PRMT9: variants seen among roughly 807,000 people sequenced by gnomAD.
The protein encoded by PRMT9 is protein arginine N-methyltransferase 9.
A neutral mutation model predicts 83.2 loss-of-function variants in PRMT9; 59 were observed. The observed-to-expected ratio is 0.71, with a 90% confidence interval of 0.57 to 0.88. The LOEUF is 0.88. PRMT9 is among the 40% of genes least tolerant of loss of function. The probability of loss-of-function intolerance (pLI) is 0.00; values close to 1 mark genes in which losing one functional copy is unlikely to be tolerated. For synonymous variants in PRMT9, 333 were observed against 353.2 expected, an observed-to-expected ratio of 0.94 and a Z score of 0.64; for missense variants, 947 against 1,021.9, an observed-to-expected ratio of 0.93 and a Z score of 1.00.
rs540712755 is a variant in PRMT9, at chr4:147,669,475, TG to T, written c.847-831del. ...AAAGGATACAAGAAAAGAGGGAGGA[TG>T]GGGGGGAAAGGACTGTAAGTCTGCA... On this transcript the variant is annotated intron_variant, in intron 5 of 11. Transcript: ENST00000322396. Among the ~76,000 whole-genome samples the T allele has an allele frequency of 2.2e-4, 34 of 151,900 alleles. No homozygotes were observed. In the South Asian group the frequency reaches 3.3e-3, roughly 15 times the overall value.
In PRMT9 at chr4:147,673,032, T is replaced by A. The variant is rs1173751075; in HGVS notation, c.670A>T (p.Lys224Ter). 6.2e-7 allele frequency: 1 copy of A among 1,614,032 alleles called. No homozygotes were observed. Among genetic ancestry groups the A allele is most frequent in the African/African-American group, 1.3e-5 (1 of 75,046 alleles). ...AAGAGTTTGATCCCTGCTTCCATCT[T>A]GTTTGCTGCCACGACATCACAGGCA... ...ELACDVVAANKMEAGIKLLHT... is the reference protein window; with the variant it reads ...ELACDVVAAN The change falls in exon 4 of 12, where the codon AAG (lysine) becomes TAG (stop). Residue 224 changes from lysine (K) to a stop codon, truncating the protein, a stop_gained. Transcript: ENST00000322396. LOFTEE classifies it high-confidence loss of function.
intron 1 of PRMT9, among the ~76,000 whole-genome samples, chr4:147,682,498 G>T (rs948114761): frequency 6.6e-6 from 1 of 151,532 alleles, no homozygotes; most frequent in African/African-American, 2.4e-5. Flanking sequence ...TTTTAGTAGA[G>T]ACAGGTTTTC....
chr4:147,675,857 G>C (rs1560706892), intron 2 of PRMT9, among the ~76,000 whole-genome samples: 1 of 152,128 alleles, frequency 6.6e-6, no homozygotes, highest in Non-Finnish European at 1.5e-5. Flanking sequence ...CTAACAAAAG[G>C]TTGTGAAGTT....
At chr4:147,672,893 G>T in intron 4 of PRMT9, 66 bp downstream of exon 4, 1 of 1,363,246 alleles carries the variant, frequency 7.3e-7, no homozygotes, top group Non-Finnish European at 1.0e-6. Flanking sequence ...CTAAAAGCTA[G>T]AAATATATCT....
At chr4:147,669,961 T>C (rs1410624731) in intron 5 of PRMT9, among the ~76,000 whole-genome samples, 1 of 152,156 alleles carries the variant, frequency 6.6e-6, no homozygotes, top group Non-Finnish European at 1.5e-5. Context: ...TACTCCCTTC[T>C]GATAATTTGC....
At chr4:147,673,954 T>G in intron 2 of PRMT9, 80 bp from the exon 3 acceptor site, 3 of 1,174,716 alleles carry the variant, frequency 2.6e-6, no homozygotes, top group South Asian at 2.5e-5. Context: ...TGCCACTCAC[T>G]TGGCCTGGGA....
intron 9 of PRMT9, among the ~76,000 whole-genome samples, chr4:147,645,110 C>A (rs1018286249): frequency 2.6e-5 from 4 of 152,092 alleles, no homozygotes; most frequent in African/African-American, 7.2e-5. Flanking sequence ...TTTTTCATAT[C>A]TTAAAAAGTA....
intron 7 of PRMT9, among the ~76,000 whole-genome samples, chr4:147,659,132 T>C (rs551370620): frequency 6.7e-6 from 1 of 148,990 alleles, no homozygotes; most frequent in African/African-American, 2.5e-5. Flanking sequence ...TGAGCCGAGA[T>C]CACGCCACTG....
Position 147,654,281 on chromosome 4 carries a change from A to C in PRMT9, c.1616T>G (p.Met539Arg), listed in dbSNP as rs1024888817. ...NNIPYHEGFK[M>R]AMSKVLSSLT... ...TGAAGACAAAACTTTGCTCATTGCC[A>C]TTTTAAAGCCTTCATGATATGGGAT... Residue 539 changes from methionine (M) to arginine (R), a missense_variant, in exon 9 of 12, where the codon ATG (methionine) becomes AGG (arginine). Coordinates refer to ENST00000322396, the MANE Select transcript of PRMT9 (RefSeq NM_138364.4). The C allele has an allele frequency of 5.0e-6, 8 of 1,614,228 alleles. No individual in the cohort carries two copies. The highest frequency in any genetic ancestry group is 3.3e-5 in the Admixed American group (2 of 60,024).
At chr4:147,681,590 C>T (rs1222155666) in intron 1 of PRMT9, among the ~76,000 whole-genome samples, 1 of 152,042 alleles carries the variant, frequency 6.6e-6, no homozygotes, top group Non-Finnish European at 1.5e-5. Flanking sequence ...AGTTGAAGAC[C>T]AGCATGGCCA....
chr4:147,641,036 C>G (rs544206551), intron 10 of PRMT9, among the ~76,000 whole-genome samples: 2 of 152,276 alleles, frequency 1.3e-5, no homozygotes, highest in African/African-American at 4.8e-5. Context: ...TATTGAGGAT[C>G]TCACCATTTT....
At chr4:147,661,075 G>A in intron 6 of PRMT9, 37 bp from the exon 7 acceptor site, 1 of 1,409,636 alleles carries the variant, frequency 7.1e-7, no homozygotes, top group Non-Finnish European at 1.0e-6. Context: ...GTAGGAAGAT[G>A]GATTTTTTTA....
chr4:147,639,040 T>C lies in PRMT9; in HGVS notation c.2242A>G (p.Ile748Val), dbSNP rs1442548409. The change falls in exon 11 of 12, where the codon ATA (isoleucine) becomes GTA (valine). Residue 748 changes from isoleucine to valine, a missense_variant. By Grantham distance (29) the Ile-to-Val change is conservative. Transcript: ENST00000322396. ...VFLDLSSLPC[I>V]PLSKPVELLR... Reference sequence around the variant, plus strand: ...AGTTCCACTGGCTTGCTTAAAGGTATACAGGGCAATGAGGATAGGTCCAAA... The same window carrying C: ...AGTTCCACTGGCTTGCTTAAAGGTACACAGGGCAATGAGGATAGGTCCAAA... 6.2e-7 allele frequency: 1 copy of C among 1,613,150 alleles called. No homozygotes were observed.
At chr4:147,683,719 GCTTT>G (rs1736655974) in intron 1 of PRMT9, 76 bp downstream of exon 1, 7 of 1,266,446 alleles carry the variant, frequency 5.5e-6, no homozygotes, top group Non-Finnish European at 6.7e-6. Context: ...TAGCCCCTCC[GCTTT>G]TTTTTTTTTC....
At chr4:147,683,648 C>G (rs530041947) in intron 1 of PRMT9, 151 bp downstream of exon 1, 7 of 783,604 alleles carry the variant, frequency 8.9e-6, no homozygotes, top group Admixed American at 2.3e-5. Flanking sequence ...GACGTTGGAT[C>G]GGCCAGCAAG....
chr4:147,663,108 A>C (rs1430508713), intron 6 of PRMT9, among the ~76,000 whole-genome samples: 1 of 148,936 alleles, frequency 6.7e-6, no homozygotes, highest in Non-Finnish European at 1.5e-5. Context: ...TCCCCAGTTC[A>C]CGCCATTCTC....
In PRMT9 at chr4:147,637,988, T is replaced by C. The variant is rs1228209775; in HGVS notation, c.*544A>G. ...AAAAATGCTGCCTCCTGAAGATGTATTCCCTAACTCCTTTACTGTTTTAAT... is the reference window on the plus strand; with the variant it reads ...AAAAATGCTGCCTCCTGAAGATGTACTCCCTAACTCCTTTACTGTTTTAAT... On this transcript the variant is annotated 3_prime_UTR_variant, in exon 12 of 12. Coordinates refer to ENST00000322396, the MANE Select transcript of PRMT9 (RefSeq NM_138364.4). 1 of 152,836 alleles carries C rather than the reference T, an allele frequency of 6.5e-6. No homozygotes were observed. Among genetic ancestry groups the C allele is most frequent in the Non-Finnish European group, 1.5e-5 (1 of 68,510 alleles). The allele number at this position is 152,836 out of a possible 1,614,324, so 9.5% of individuals were successfully genotyped here.
intron 8 of PRMT9, among the ~76,000 whole-genome samples, chr4:147,656,514 T>A (rs1419808768): frequency 6.6e-6 from 1 of 152,020 alleles, no homozygotes; most frequent in Non-Finnish European, 1.5e-5. Context: ...GGCTCACACC[T>A]GTAATGCCAG....
chr4:147,648,861 G>A (rs752704621), intron 9 of PRMT9, among the ~76,000 whole-genome samples: 1 of 152,106 alleles, frequency 6.6e-6, no homozygotes, highest in Non-Finnish European at 1.5e-5. Context: ...CTACCCTTAG[G>A]TTGGGGGCTA....
Sources: gnomAD v4.1 joint callset for allele counts (sites outside exome capture counted in the v4.1 genomes callset) on GRCh38, gnomAD v4.1.1 for gene constraint, MANE v1.5 for transcripts, NCBI Gene and HGNC (gene_info 2026-07-23, HGNC 2026-07-21) for gene names.